SGCZ: variants seen among roughly 807,000 people sequenced by gnomAD.
SGCZ encodes the protein sarcoglycan zeta.
Under a neutral mutation model 41.3 loss-of-function variants are expected in SGCZ, and 40 were observed. The ratio of observed to expected loss-of-function variants is 0.97; its 90% CI spans 0.75 to 1.26. The LOEUF is 1.26. SGCZ is among the 50% of genes most tolerant of loss of function. SGCZ has a pLI of 0.00. For synonymous variants in SGCZ, 206 were observed against 137.5 expected (o/e 1.50, Z -3.49); for missense variants, 552 against 369.8 (o/e 1.49, Z -4.04).
intron 2 of SGCZ, among the ~76,000 whole-genome samples, chr8:14,432,905 C>T (rs534526101): frequency 8.3e-5 from 7 of 84,648 alleles, no homozygotes; most frequent in Admixed American, 2.1e-4. Flanking sequence ...AAGAGTGAGA[C>T]TGTGTCTCCA....
chr8:14,306,109 G>T (rs1801344175), intron 3 of SGCZ, among the ~76,000 whole-genome samples: 1 of 152,104 alleles, frequency 6.6e-6, no homozygotes, highest in Non-Finnish European at 1.5e-5. Flanking sequence ...TTTGGGCAAA[G>T]GTTTTTTGTT....
intron 1 of SGCZ, among the ~76,000 whole-genome samples, chr8:14,727,564 G>T (rs144635792): frequency 0.014 from 2,038 of 150,664 alleles, 32 homozygotes; most frequent in Admixed American, 0.037. Flanking sequence ...AGGCTAGAGT[G>T]CAGTGGCCAG....
At position 14,438,698 on chromosome 8, in the gene SGCZ, A is replaced by C. The variant is rs1800160636; in HGVS notation, c.235-114494T>G. Among the ~76,000 whole-genome samples the C allele has an allele frequency of 2.0e-5, 3 of 152,180 alleles. No homozygotes were observed. In the East Asian group the frequency reaches 5.8e-4, roughly 29 times the overall value. On this transcript the variant is annotated intron_variant, in intron 2 of 7. Coordinates refer to ENST00000382080, the MANE Select transcript of SGCZ (RefSeq NM_139167.4). The stretch of plus-strand genomic sequence containing the variant: ...TCAGATATTTCATGAGGCTAAAATA[A>C]GATTTTTCAGTAATACTTAATTTTA...
chr8:14,459,153 A>C (rs1394092661), intron 2 of SGCZ, among the ~76,000 whole-genome samples: 1 of 152,188 alleles, frequency 6.6e-6, no homozygotes, highest in South Asian at 2.1e-4. Context: ...CATTCTCAGC[A>C]AACTATCGAG....
intron 1 of SGCZ, among the ~76,000 whole-genome samples, chr8:14,829,751 GT>G (rs58825277): frequency 2.6e-5 from 4 of 151,764 alleles, no homozygotes; most frequent in East Asian, 1.9e-4. Flanking sequence ...TTATTTAAGG[GT>G]TTTTTTAAAA....
intron 1 of SGCZ, among the ~76,000 whole-genome samples, chr8:14,793,437 T>G (rs1801023007): frequency 6.6e-6 from 1 of 152,188 alleles, no homozygotes; most frequent in African/African-American, 2.4e-5. Flanking sequence ...ACGCAAAAGC[T>G]ATGGCAAATA....
chr8:14,598,468 GGGGTTT>G (rs1805484869), intron 1 of SGCZ, among the ~76,000 whole-genome samples: 1 of 149,498 alleles, frequency 6.7e-6, no homozygotes. Flanking sequence ...TAGTAGAGAT[GGGGTTT>G]TATCATCTCT....
intron 2 of SGCZ, among the ~76,000 whole-genome samples, chr8:14,404,413 T>C (rs1324262963): frequency 6.6e-6 from 1 of 152,176 alleles, no homozygotes; most frequent in Non-Finnish European, 1.5e-5. Flanking sequence ...TTGGGAATTT[T>C]TGAGCATTCA....
intron 2 of SGCZ, among the ~76,000 whole-genome samples, chr8:14,519,033 C>T (rs919911821): frequency 1.2e-4 from 18 of 148,044 alleles, no homozygotes; most frequent in South Asian, 2.1e-4. Flanking sequence ...CGCACCACTG[C>T]ACTCCAGCCT....
intron 2 of SGCZ, among the ~76,000 whole-genome samples, chr8:14,395,242 T>C (rs912991087): frequency 1.3e-5 from 2 of 152,184 alleles, no homozygotes; most frequent in Non-Finnish European, 2.9e-5. Context: ...ATATTAAACA[T>C]AGCCTTTGCC....
At chr8:15,208,223 A>G (rs1801131304) in intron 1 of SGCZ, among the ~76,000 whole-genome samples, 3 of 152,230 alleles carry the variant, frequency 2.0e-5, no homozygotes, top group African/African-American at 2.4e-5. Flanking sequence ...CTGGAAAACG[A>G]TGATGAAAGC....
At chr8:14,472,532 C>T (rs186940550) in intron 2 of SGCZ, among the ~76,000 whole-genome samples, 3 of 152,184 alleles carry the variant, frequency 2.0e-5, no homozygotes, top group Admixed American at 2.0e-4. Context: ...AAAGTAGTTT[C>T]ATGATAATTA....
At chr8:14,137,352 T>C (rs2116915582) in intron 5 of SGCZ, among the ~76,000 whole-genome samples, 1 of 152,326 alleles carries the variant, frequency 6.6e-6, no homozygotes, top group South Asian at 2.1e-4. Context: ...AGAAGTAGGC[T>C]TCAGAAGATC....
At chr8:14,884,192 A>C (rs2130729397) in intron 1 of SGCZ, among the ~76,000 whole-genome samples, 1 of 152,258 alleles carries the variant, frequency 6.6e-6, no homozygotes, top group African/African-American at 2.4e-5. Flanking sequence ...TTAATTCTAA[A>C]TATAAGTGTC....
chr8:14,467,760 C>T (rs13251391), intron 2 of SGCZ, among the ~76,000 whole-genome samples: 149,640 of 152,078 alleles, frequency 0.98, 73,662 homozygotes, highest in East Asian at 1. Context: ...TTGCTTATGA[C>T]ATATAACACT....
At chr8:14,747,209 A>T (rs1282051410) in intron 1 of SGCZ, among the ~76,000 whole-genome samples, 2 of 152,204 alleles carry the variant, frequency 1.3e-5, no homozygotes, top group Non-Finnish European at 2.9e-5. Flanking sequence ...TGTTAGGACC[A>T]CAGACACCTG....
intron 1 of SGCZ, among the ~76,000 whole-genome samples, chr8:14,846,156 C>G (rs1803093038): frequency 6.6e-6 from 1 of 151,894 alleles, no homozygotes; most frequent in Non-Finnish European, 1.5e-5. Context: ...ACATAACAGA[C>G]CAGAAAAAAA....
intron 1 of SGCZ, among the ~76,000 whole-genome samples, chr8:14,577,228 T>A (rs1804737864): frequency 6.6e-6 from 1 of 152,140 alleles, no homozygotes; most frequent in Admixed American, 6.5e-5. Flanking sequence ...TTACAATAGA[T>A]TAGTTCACTG....
At chr8:14,508,530 C>A (rs1337764594) in intron 2 of SGCZ, among the ~76,000 whole-genome samples, 1 of 151,998 alleles carries the variant, frequency 6.6e-6, no homozygotes, top group Admixed American at 6.6e-5. Context: ...TTGAACTAGG[C>A]ATGTTCATTT....
Sources: gnomAD v4.1 joint callset for allele counts (sites outside exome capture counted in the v4.1 genomes callset) on GRCh38, gnomAD v4.1.1 for gene constraint, MANE v1.5 for transcripts, NCBI Gene and HGNC (gene_info 2026-07-23, HGNC 2026-07-21) for gene names.